The following RAP1GAP2 variants were observed in gnomAD, a reference collection of about 807,000 sequenced individuals.
RAP1GAP2 encodes the protein rap1 GTPase-activating protein 2.
RAP1GAP2 carries 27 observed loss-of-function variants against 95.0 expected under a neutral mutation model. The observed-to-expected ratio is 0.28, with a 90% CI of 0.21 to 0.39. The LOEUF is 0.39. Among genes scored for constraint, RAP1GAP2 ranks in the 10% least tolerant of loss-of-function variants. The pLI is 1.00. For missense variants in RAP1GAP2, 771 were observed against 970.0 expected (o/e 0.79, Z 2.72); for synonymous variants, 373 against 380.9 (o/e 0.98, Z 0.24).
chr17:3,011,070 G>A lies in RAP1GAP2; in HGVS notation c.1494+2925G>A, dbSNP rs978591448. On this transcript the variant is annotated intron_variant, in intron 17 of 24. Coordinates refer to ENST00000254695, the MANE Select transcript of RAP1GAP2 (RefSeq NM_015085.5). ...GCCTCCTGAGTAGCTAGAATTATAG[G>A]TGCCCGCCACCACGCCCGGCTAACT... 2.0e-5 allele frequency among the ~76,000 whole-genome samples: 3 copies of A among 152,062 alleles called. 1 individual carries two copies. The South Asian group carries it at 6.2e-4, about 32-fold the overall frequency.
intron 1 of RAP1GAP2, among the ~76,000 whole-genome samples, chr17:2,768,788 T>C (rs1347033575): frequency 6.6e-6 from 1 of 151,892 alleles, no homozygotes; most frequent in Non-Finnish European, 1.5e-5. Flanking sequence ...CTTCATTTTA[T>C]GTTCACTGTG....
chr17:2,932,539 C>T (rs978915334), intron 3 of RAP1GAP2, among the ~76,000 whole-genome samples: 6 of 146,974 alleles, frequency 4.1e-5, no homozygotes, highest in Admixed American at 2.8e-4. Flanking sequence ...TTTATTATAT[C>T]GCGCCACTGC....
intron 1 of RAP1GAP2, among the ~76,000 whole-genome samples, chr17:2,763,943 A>G (rs1255443559): frequency 6.6e-6 from 1 of 151,950 alleles, no homozygotes; most frequent in African/African-American, 2.4e-5. Flanking sequence ...GATCAAGGAC[A>G]GCATGATGTG....
At chr17:2,952,539 A>G (rs530425741) in intron 3 of RAP1GAP2, among the ~76,000 whole-genome samples, 1 of 152,312 alleles carries the variant, frequency 6.6e-6, no homozygotes, top group East Asian at 1.9e-4. Context: ...TGCCTTTCGG[A>G]AAGCTGTATC....
At chr17:2,847,492 G>A (rs914753662) in intron 2 of RAP1GAP2, among the ~76,000 whole-genome samples, 3 of 152,214 alleles carry the variant, frequency 2.0e-5, no homozygotes, top group South Asian at 2.1e-4. Context: ...GGCACAGAAG[G>A]CGTTACTGGA....
At chr17:2,830,412 G>A (rs1270403660) in intron 2 of RAP1GAP2, among the ~76,000 whole-genome samples, 4 of 150,726 alleles carry the variant, frequency 2.7e-5, no homozygotes, top group Admixed American at 6.6e-5. Flanking sequence ...GGAAAACTCC[G>A]TCTCAAAAAA....
intron 1 of RAP1GAP2, among the ~76,000 whole-genome samples, chr17:2,757,615 A>G: frequency 6.6e-6 from 1 of 152,040 alleles, no homozygotes; most frequent in South Asian, 2.1e-4. Context: ...CTGTCTCCAT[A>G]GAGTGTTGAT....
At chr17:2,929,483 G>A (rs935598037) in intron 3 of RAP1GAP2, among the ~76,000 whole-genome samples, 2 of 152,188 alleles carry the variant, frequency 1.3e-5, no homozygotes, top group East Asian at 3.9e-4. Flanking sequence ...TTTGCTGGAG[G>A]TGCACACATG....
At chr17:2,999,617 C>T (rs2046083581) in intron 14 of RAP1GAP2, among the ~76,000 whole-genome samples, 2 of 152,042 alleles carry the variant, frequency 1.3e-5, no homozygotes, top group African/African-American at 2.4e-5. Context: ...GCAAAATTCA[C>T]GTCAGCTTTT....
chr17:2,917,748 C>T (rs2042616612), intron 3 of RAP1GAP2, among the ~76,000 whole-genome samples: 1 of 151,284 alleles, frequency 6.6e-6, no homozygotes, highest in Non-Finnish European at 1.5e-5. Flanking sequence ...TGGAGTCTTG[C>T]TCTGTTGCCC....
rs1597777637 is a variant in RAP1GAP2, at chr17:2,976,264, A to C, written c.597-4023A>C. 2.0e-5 allele frequency among the ~76,000 whole-genome samples: 3 copies of C among 152,244 alleles called. No homozygotes were observed. In the South Asian group the frequency reaches 6.2e-4, roughly 32 times the overall value. On this transcript the variant is annotated intron_variant, in intron 8 of 24. Coordinates refer to ENST00000254695, the MANE Select transcript of RAP1GAP2 (RefSeq NM_015085.5). ...GCTAACATGTATTCTTGCTCTTAGC[A>C]AAAGAAAAAAATACATTTTTTCAAG...
intron 2 of RAP1GAP2, among the ~76,000 whole-genome samples, chr17:2,886,677 C>T (rs1339986488): frequency 1.3e-5 from 2 of 152,188 alleles, no homozygotes; most frequent in Non-Finnish European, 2.9e-5. Context: ...TTGTGGACTT[C>T]AGGTTTGTCT....
chr17:3,015,034 G>T (rs1424710777), intron 17 of RAP1GAP2, among the ~76,000 whole-genome samples: 1 of 152,154 alleles, frequency 6.6e-6, no homozygotes. Context: ...AAAAAAGGAA[G>T]CTCGCCGCTC....
intron 2 of RAP1GAP2, among the ~76,000 whole-genome samples, chr17:2,808,975 G>A (rs968098289): frequency 6.6e-6 from 1 of 152,196 alleles, no homozygotes; most frequent in African/African-American, 2.4e-5. Flanking sequence ...CGGGGCGTGC[G>A]TGGCTGCAGG....
At chr17:2,768,538 A>G (rs1308514486) in intron 1 of RAP1GAP2, among the ~76,000 whole-genome samples, 1 of 152,030 alleles carries the variant, frequency 6.6e-6, no homozygotes, top group Non-Finnish European at 1.5e-5. Flanking sequence ...CTAAAAATAC[A>G]AAAATTAGCT....
intron 1 of RAP1GAP2, among the ~76,000 whole-genome samples, chr17:2,766,833 G>A (rs929069942): frequency 6.6e-6 from 1 of 152,130 alleles, no homozygotes; most frequent in African/African-American, 2.4e-5. Context: ...CTATTTGATT[G>A]TAGCAGCCCC....
At chr17:2,964,358 T>G (rs1597738829) in intron 7 of RAP1GAP2, 1 of 14,388 alleles carries the variant, frequency 7.0e-5, no homozygotes, top group African/African-American at 2.9e-4. Flanking sequence ...GGGGAGGGGC[T>G]GGGGGCCCTG....
chr17:3,005,385 G>C lies in RAP1GAP2; in HGVS notation c.1217G>C (p.Arg406Pro), dbSNP rs376115625. 1 of 1,613,740 alleles carries C rather than the reference G, an allele frequency of 6.2e-7. No individual in the cohort carries two copies. The highest frequency in any genetic ancestry group is 8.5e-7 in the Non-Finnish European group (1 of 1,179,792). ...TPSYKVSVTAREDVPTFGPPL... is the reference protein window; with the variant it reads ...TPSYKVSVTAPEDVPTFGPPL... Reference sequence around the variant, plus strand: ...TTCACTCAGGTCTCTGTCACTGCGCGGGAAGATGTGCCCACCTTTGGTCCA... The same window carrying C: ...TTCACTCAGGTCTCTGTCACTGCGCCGGAAGATGTGCCCACCTTTGGTCCA... The change falls in exon 15 of 25, where the codon CGG becomes CCG. Residue 406 changes from arginine (R) to proline (P), a missense_variant. By Grantham distance (103) the Arg-to-Pro change is moderately radical. Transcript: ENST00000254695. This position sits in a 1 kb window ranked among gnomAD's most constrained non-coding sequence, Gnocchi z 5.2.
At chr17:2,840,374 G>A (rs1403771291) in intron 2 of RAP1GAP2, among the ~76,000 whole-genome samples, 2 of 151,952 alleles carry the variant, frequency 1.3e-5, no homozygotes, top group Non-Finnish European at 2.9e-5. Flanking sequence ...CATTGGCCAG[G>A]CTGGTCTCAA....
Sources: allele counts gnomAD v4.1 joint callset (sites outside exome capture counted in the v4.1 genomes callset), GRCh38; gene constraint gnomAD v4.1.1; non-coding constraint Gnocchi (gnomAD v3.1); transcripts MANE v1.5; gene names NCBI Gene and HGNC (gene_info 2026-07-23, HGNC 2026-07-21).